The following AKT3 variants were observed in gnomAD, a reference collection of about 807,000 sequenced individuals.
AKT3 encodes AKT serine/threonine kinase 3.
AKT3 carries 15 observed loss-of-function variants against 65.3 expected under a neutral mutation model. The ratio of observed to expected loss-of-function variants is 0.23; its 90% CI spans 0.15 to 0.35. The LOEUF (loss-of-function observed/expected upper bound fraction) is 0.35, where lower values mean the gene tolerates loss of function less well. Ranked by LOEUF, AKT3 falls within the 10% of genes least tolerant of loss-of-function variation. AKT3 has a pLI of 1.00. For missense variants in AKT3, 243 were observed against 576.5 expected, an observed-to-expected ratio of 0.42 and a Z score of 5.92; for synonymous variants, 206 against 183.8, an observed-to-expected ratio of 1.12 and a Z score of -0.98.
intron 8 of AKT3, among the ~76,000 whole-genome samples, chr1:243,587,539 A>G (rs967525100): frequency 6.6e-6 from 1 of 152,162 alleles, no homozygotes; most frequent in African/African-American, 2.4e-5. Context: ...TGAACCCGGG[A>G]GGTGGAGCTT....
chr1:243,600,598 T>C (rs1676936695), intron 8 of AKT3, among the ~76,000 whole-genome samples: 1 of 152,080 alleles, frequency 6.6e-6, no homozygotes, highest in Non-Finnish European at 1.5e-5. Context: ...CAGTTAGATA[T>C]CACTTTGCAA....
At chr1:243,694,186 G>A (rs1174937002) in intron 3 of AKT3, among the ~76,000 whole-genome samples, 1 of 152,086 alleles carries the variant, frequency 6.6e-6, no homozygotes, top group African/African-American at 2.4e-5. Flanking sequence ...AACATTTGCT[G>A]GTAAAATGGA....
At chr1:243,785,329 C>T (rs1326856397) in intron 2 of AKT3, among the ~76,000 whole-genome samples, 2 of 151,794 alleles carry the variant, frequency 1.3e-5, no homozygotes, top group African/African-American at 4.8e-5. Flanking sequence ...CTGCCCGCCT[C>T]GGCCTCCCAA....
intron 5 of AKT3, among the ~76,000 whole-genome samples, chr1:243,642,434 C>T (rs992614308): frequency 2.3e-4 from 35 of 152,270 alleles, no homozygotes; most frequent in Middle Eastern, 3.4e-3. Context: ...CTCAGCCTCC[C>T]GAGTAGCTGG....
At chr1:243,711,989 G>A (rs992835628) in intron 2 of AKT3, among the ~76,000 whole-genome samples, 2 of 152,144 alleles carry the variant, frequency 1.3e-5, no homozygotes, top group African/African-American at 4.8e-5. Flanking sequence ...ATAAAAGTTG[G>A]TATAAGCTTG....
At chr1:243,651,362 C>T (rs938921184) in intron 4 of AKT3, among the ~76,000 whole-genome samples, 1 of 152,140 alleles carries the variant, frequency 6.6e-6, no homozygotes, top group Non-Finnish European at 1.5e-5. Context: ...GACTTCCTCT[C>T]TTCCTATTTG....
intron 2 of AKT3, among the ~76,000 whole-genome samples, chr1:243,809,272 G>A (rs1245038379): frequency 6.6e-6 from 1 of 152,168 alleles, no homozygotes; most frequent in Non-Finnish European, 1.5e-5. Context: ...TCAGTGTGCT[G>A]TATTCAGGAA....
chr1:243,505,125 C>T lies in AKT3; in HGVS notation c.*124G>A. 2.5e-6 allele frequency: 2 copies of T among 809,338 alleles called. No individual in the cohort carries two copies. Among genetic ancestry groups the T allele is most frequent in the Non-Finnish European group, 4.1e-6 (2 of 493,354 alleles). The allele number at this position is 809,338 out of a possible 1,614,324, so 50.1% of individuals were successfully genotyped here. A position where few individuals can be genotyped will look rare whatever the true frequency, so the allele number is the denominator to read the frequency against. ...GTGAAAGGTGGCGAGGGGTGAGGAC[C>T]CTTGGCTGGTCTGGGATGTCGGAAG... is the stretch of plus-strand genomic sequence containing the variant. On this transcript the variant is annotated 3_prime_UTR_variant, in exon 14 of 14. Coordinates refer to ENST00000673466, the MANE Select transcript of AKT3 (RefSeq NM_005465.7).
At chr1:243,562,618 A>C (rs1673873147) in intron 10 of AKT3, among the ~76,000 whole-genome samples, 1 of 152,168 alleles carries the variant, frequency 6.6e-6, no homozygotes, top group South Asian at 2.1e-4. Context: ...GAGCCAAAGA[A>C]GTCTGACTGC....
intron 4 of AKT3, among the ~76,000 whole-genome samples, chr1:243,651,887 A>T (rs574255474): frequency 6.6e-6 from 1 of 152,154 alleles, no homozygotes; most frequent in Non-Finnish European, 1.5e-5. Context: ...AGGTTTCACC[A>T]AAGTCAAAAT....
At chr1:243,767,479 C>A (rs926337442) in intron 2 of AKT3, among the ~76,000 whole-genome samples, 1 of 151,972 alleles carries the variant, frequency 6.6e-6, no homozygotes, top group African/African-American at 2.4e-5. Flanking sequence ...TTTTTATAAA[C>A]ATACCTAATA....
intron 3 of AKT3, among the ~76,000 whole-genome samples, chr1:243,683,099 T>C (rs773454141): frequency 4.6e-5 from 7 of 152,202 alleles, no homozygotes; most frequent in African/African-American, 7.2e-5. Flanking sequence ...CTGTTAGACA[T>C]GGGTTCATGC....
chr1:243,798,393 A>ATTTTTTTTTTTTT (rs759264137), intron 2 of AKT3, among the ~76,000 whole-genome samples: 61 of 83,324 alleles, frequency 7.3e-4, no homozygotes, highest in Non-Finnish European at 9.8e-4. Context: ...CTAATTTTTA[A>ATTTTTTTTTTTTT]TTTTTTTTTT....
intron 1 of AKT3, among the ~76,000 whole-genome samples, chr1:243,848,852 C>G (rs1695626447): frequency 6.6e-6 from 1 of 152,210 alleles, no homozygotes; most frequent in Admixed American, 6.5e-5. Flanking sequence ...TGCAAACTAC[C>G]AGGCTTTCAA....
At chr1:243,688,725 T>TA (rs1163330362) in intron 3 of AKT3, among the ~76,000 whole-genome samples, 2 of 152,134 alleles carry the variant, frequency 1.3e-5, no homozygotes, top group Non-Finnish European at 2.9e-5. Context: ...TACATCCTTT[T>TA]AAAAAAATTG....
chr1:243,519,101 G>A (rs1031617867), intron 12 of AKT3, among the ~76,000 whole-genome samples: 2 of 152,168 alleles, frequency 1.3e-5, no homozygotes, highest in Non-Finnish European at 2.9e-5. Flanking sequence ...AGCCAGCAGC[G>A]ACAGACCATC....
intron 4 of AKT3, among the ~76,000 whole-genome samples, chr1:243,660,786 T>C (rs898677480): frequency 5.3e-5 from 8 of 152,334 alleles, no homozygotes; most frequent in South Asian, 4.1e-4. Context: ...TGTTTGCAGA[T>C]GACATGATTG....
intron 10 of AKT3, 99 bp downstream of exon 10, chr1:243,563,621 A>C (rs1258525692): frequency 7.2e-7 from 1 of 1,394,402 alleles, no homozygotes; most frequent in Admixed American, 2.6e-5. Context: ...AATATAGATA[A>C]AAGTAGTAGA....
intron 3 of AKT3, among the ~76,000 whole-genome samples, chr1:243,668,043 T>C (rs1682918490): frequency 6.6e-6 from 1 of 152,226 alleles, no homozygotes; most frequent in African/African-American, 2.4e-5. Context: ...TTATTTTCCA[T>C]AGCATGTTAC....
Sources: gnomAD v4.1 joint callset for allele counts (sites outside exome capture counted in the v4.1 genomes callset) on GRCh38, gnomAD v4.1.1 for gene constraint, MANE v1.5 for transcripts, NCBI Gene and HGNC (gene_info 2026-07-23, HGNC 2026-07-21) for gene names.